Variants in COL14A1 observed in about 807,000 individuals in gnomAD.
COL14A1 encodes the protein collagen type XIV alpha 1 chain.
COL14A1 carries 136 observed loss-of-function variants against 230.3 expected under a neutral mutation model. That is an observed-to-expected ratio of 0.59 (90% CI 0.51 to 0.68). The LOEUF (loss-of-function observed/expected upper bound fraction) is 0.68. Ranked by LOEUF, COL14A1 falls within the 30% of genes least tolerant of loss-of-function variation. The pLI is 0.00. For synonymous variants in COL14A1, 792 were observed against 784.1 expected, an observed-to-expected ratio of 1.01 and a Z score of -0.17; for missense variants, 1,976 against 2,215.8, an observed-to-expected ratio of 0.89 and a Z score of 2.17.
chr8:120,240,678 T>C (rs901177408), intron 19 of COL14A1, among the ~76,000 whole-genome samples: 2 of 152,268 alleles, frequency 1.3e-5, no homozygotes, highest in Non-Finnish European at 2.9e-5. Context: ...TGGACAATAG[T>C]GTATGTATAT....
At chr8:120,308,783 G>T (rs891728222) in intron 36 of COL14A1, among the ~76,000 whole-genome samples, 2 of 152,144 alleles carry the variant, frequency 1.3e-5, no homozygotes, top group Non-Finnish European at 2.9e-5. Flanking sequence ...GAATCACACA[G>T]GGAGAAAGTT....
intron 40 of COL14A1, among the ~76,000 whole-genome samples, chr8:120,326,467 A>G (rs1255141973): frequency 1.3e-5 from 2 of 152,222 alleles, no homozygotes; most frequent in African/African-American, 2.4e-5. Context: ...TCTGGGTAAT[A>G]TGACAAATGC....
At chr8:120,279,342 G>A (rs1171317340) in intron 28 of COL14A1, among the ~76,000 whole-genome samples, 1 of 150,170 alleles carries the variant, frequency 6.7e-6, no homozygotes, top group Non-Finnish European at 1.5e-5. Flanking sequence ...AATATTGATT[G>A]AATGTATATA....
rs1812147337 is a variant in COL14A1, at chr8:120,371,310, G to T, written c.*79G>T. On this transcript the variant is annotated 3_prime_UTR_variant, in exon 48 of 48. Transcript: ENST00000297848. ...TTGAGAAAATGTTGTTATGTGGTTT[G>T]TATGCTACTTTTGGGGGGCAGGGCT... 1.7e-6 allele frequency: 2 copies of T among 1,148,922 alleles called. No individual in the cohort carries two copies. The highest frequency in any genetic ancestry group is 2.5e-6 in the Non-Finnish European group (2 of 795,256). 71.2% of individuals were successfully genotyped at this position (1,148,922 alleles called of 1,614,324 possible).
At chr8:120,244,767 C>T (rs56275261) in intron 20 of COL14A1, among the ~76,000 whole-genome samples, 2,651 of 152,282 alleles carry the variant, frequency 0.017, 67 homozygotes, top group African/African-American at 0.058. Flanking sequence ...GTGTACTAGC[C>T]TCCTGTCAGG....
intron 36 of COL14A1, among the ~76,000 whole-genome samples, chr8:120,309,020 C>T (rs935725583): frequency 2.0e-5 from 3 of 152,116 alleles, no homozygotes; most frequent in Admixed American, 1.3e-4. Flanking sequence ...CTGCAAGGTC[C>T]GCCTCCCAGG....
At chr8:120,141,073 T>C (rs1646269877) in intron 1 of COL14A1, among the ~76,000 whole-genome samples, 1 of 152,218 alleles carries the variant, frequency 6.6e-6, no homozygotes, top group Non-Finnish European at 1.5e-5. Flanking sequence ...CAAATTAGGT[T>C]TGACATTTTG....
chr8:120,329,697 A>C (rs1374884452), intron 40 of COL14A1, among the ~76,000 whole-genome samples: 1 of 152,210 alleles, frequency 6.6e-6, no homozygotes, highest in Admixed American at 6.5e-5. Context: ...TGTGTGTGCA[A>C]AGTAATCTGT....
chr8:120,332,003 T>G, intron 40 of COL14A1, 138 bp from the exon 41 acceptor site: 2 of 696,334 alleles, frequency 2.9e-6, no homozygotes, highest in South Asian at 2.1e-5. Flanking sequence ...CCATGAAGAG[T>G]TTAAAGGCAG....
At chr8:120,250,195 T>G (rs1257838818) in intron 21 of COL14A1, among the ~76,000 whole-genome samples, 1 of 152,224 alleles carries the variant, frequency 6.6e-6, no homozygotes, top group Non-Finnish European at 1.5e-5. Context: ...TGGCAAGGTA[T>G]GGCCTGGTCT....
intron 3 of COL14A1, 45 bp downstream of exon 3, chr8:120,158,291 A>T: frequency 9.3e-7 from 1 of 1,078,134 alleles, no homozygotes; most frequent in Non-Finnish European, 1.4e-6. Context: ...GCAACTTTTC[A>T]TGCATAGGCA....
chr8:120,280,783 T>C (rs1820009354), intron 30 of COL14A1, 34 bp downstream of exon 30: 5 of 1,606,516 alleles, frequency 3.1e-6, no homozygotes, highest in Non-Finnish European at 4.3e-6. Flanking sequence ...AAACACAAAA[T>C]ATATTACAGG....
intron 45 of COL14A1, among the ~76,000 whole-genome samples, chr8:120,353,409 G>A (rs1255492060): frequency 3.8e-5 from 4 of 106,026 alleles, no homozygotes; most frequent in Non-Finnish European, 3.8e-5. Context: ...TTAAACTAAA[G>A]AGCTTCTGCA....
Position 120,266,642 on chromosome 8 carries a change from G to A in COL14A1, c.3017-185G>A, listed in dbSNP as rs1366955597. Among the ~76,000 whole-genome samples the A allele has an allele frequency of 2.0e-5, 3 of 152,034 alleles. No homozygotes were observed. The East Asian group carries it at 5.8e-4, about 29-fold the overall frequency. ...AAATGGCATTTCAAGCCTTCAGTCTGAGGATGAGACGATGGATGGAGTCAG... is the reference window on the plus strand; with the variant it reads ...AAATGGCATTTCAAGCCTTCAGTCTAAGGATGAGACGATGGATGGAGTCAG... On this transcript the variant is annotated intron_variant, in intron 24 of 47. Transcript: ENST00000297848.
chr8:120,212,983 G>A (rs923017229), intron 13 of COL14A1, among the ~76,000 whole-genome samples: 1 of 152,176 alleles, frequency 6.6e-6, no homozygotes, highest in African/African-American at 2.4e-5. Context: ...CTTGCAGCAT[G>A]TGGTTGGTAT....
intron 5 of COL14A1, among the ~76,000 whole-genome samples, chr8:120,180,144 A>T (rs1275525308): frequency 6.6e-6 from 1 of 152,222 alleles, no homozygotes; most frequent in Non-Finnish European, 1.5e-5. Context: ...ATATTAATTG[A>T]CTTAGTTGAA....
chr8:120,169,528 T>C (rs896577643), intron 5 of COL14A1, among the ~76,000 whole-genome samples: 4 of 152,234 alleles, frequency 2.6e-5, no homozygotes, highest in African/African-American at 9.6e-5. Context: ...TTGTTTTGTG[T>C]TGTCTTTATT....
intron 26 of COL14A1, among the ~76,000 whole-genome samples, chr8:120,273,108 G>A (rs1405177092): frequency 1.3e-5 from 2 of 151,452 alleles, no homozygotes; most frequent in Non-Finnish European, 3.0e-5. Context: ...AGACCACAAT[G>A]GAATAAAACT....
chr8:120,260,349 G>T (rs894907296), intron 23 of COL14A1, among the ~76,000 whole-genome samples: 3 of 151,820 alleles, frequency 2.0e-5, no homozygotes, highest in Non-Finnish European at 4.4e-5. Context: ...ATTTAACTAG[G>T]TTTGATGCTT....
Sources: gnomAD v4.1 joint callset for allele counts (sites outside exome capture counted in the v4.1 genomes callset) on GRCh38, gnomAD v4.1.1 for gene constraint, MANE v1.5 for transcripts, NCBI Gene and HGNC (gene_info 2026-07-23, HGNC 2026-07-21) for gene names.